Variants in GCKR observed in about 807,000 individuals in gnomAD.
GCKR encodes glucokinase regulatory protein.
A neutral mutation model predicts 82.9 loss-of-function variants in GCKR; 73 were observed. The observed-to-expected ratio is 0.88, with a 90% confidence interval of 0.73 to 1.07. The LOEUF is 1.07. Among genes scored for constraint, GCKR ranks in the 50% least tolerant of loss-of-function variants. GCKR has a pLI of 0.00. For synonymous variants in GCKR, 294 were observed against 291.8 expected (o/e 1.01, Z -0.08); for missense variants, 784 against 782.1 (o/e 1.00, Z -0.03).
chr2:27,503,088 A>G (rs1669625548), intron 8 of GCKR, among the ~76,000 whole-genome samples: 1 of 152,162 alleles, frequency 6.6e-6, no homozygotes, highest in East Asian at 1.9e-4. Context: ...CTTTGGAGGG[A>G]TTTCCAGAAT....
Position 27,523,275 on chromosome 2 carries a change from C to A in GCKR, c.1714C>A (p.Pro572Thr). The A allele has an allele frequency of 6.2e-7, 1 of 1,611,588 alleles. No homozygotes were observed. The highest frequency in any genetic ancestry group is 8.5e-7 in the Non-Finnish European group (1 of 1,178,842). ...CACTGCCTCTTCCCCACAGGTGATA[C>A]CCATCGCCTTGCTGAGCCTCCTATT... ...QVAHEKEQVI[P>T]IALLSLLFRC... is the part of the protein sequence containing the mutation. The change falls in exon 19 of 19, where the codon CCC becomes ACC. Residue 572 changes from proline to threonine, a missense_variant. By Grantham distance (38) the Pro-to-Thr change is conservative (BLOSUM62 -1). Transcript: ENST00000264717.
intron 16 of GCKR, among the ~76,000 whole-genome samples, chr2:27,513,422 C>T (rs1669934918): frequency 6.6e-6 from 1 of 151,098 alleles, no homozygotes; most frequent in South Asian, 2.1e-4. Flanking sequence ...CCCAGATACT[C>T]AGGAGGCTGA....
Position 27,519,414 on chromosome 2 carries a change from G to A in GCKR, c.1572+477G>A, listed in dbSNP as rs184428652. On this transcript the variant is annotated intron_variant, in intron 17 of 18. Coordinates refer to ENST00000264717, the MANE Select transcript of GCKR (RefSeq NM_001486.4). ...CCTCTGAGGTTCCATTGATTCTCCTGCCTCAGCCTCCCGAGTAGCTGGGAT... is the reference window on the plus strand; with the variant it reads ...CCTCTGAGGTTCCATTGATTCTCCTACCTCAGCCTCCCGAGTAGCTGGGAT... Among the ~76,000 whole-genome samples, 708 of 151,662 alleles carry A rather than the reference G, an allele frequency of 4.7e-3. 7 individuals are homozygous for A. The highest frequency in any genetic ancestry group is 0.016 in the African/African-American group (668 of 41,274).
intron 16 of GCKR, among the ~76,000 whole-genome samples, chr2:27,516,016 ATCC>A (rs1284982504): frequency 6.6e-6 from 1 of 150,728 alleles, no homozygotes; most frequent in Non-Finnish European, 1.5e-5. Context: ...GCCTCAAGCA[ATCC>A]TCCTGTCCCA....
chr2:27,518,228 T>G (rs931532164), intron 16 of GCKR, among the ~76,000 whole-genome samples: 1 of 152,162 alleles, frequency 6.6e-6, no homozygotes, highest in Admixed American at 6.5e-5. Context: ...GTGTATTTAG[T>G]AGAGACAGCA....
Position 27,518,881 on chromosome 2 carries a change from T to C in GCKR, c.1516T>C (p.Leu506=). The C allele has an allele frequency of 6.2e-7, 1 of 1,613,982 alleles. No homozygotes were observed. The highest frequency in any genetic ancestry group is 8.5e-7 in the Non-Finnish European group (1 of 1,179,894). ...TGGTAAGATCCTACAAAACCACATG[T>C]TGGACCTTCGGATTAGCAACTCCAA... The part of the protein sequence containing the change: ...LLGKILQNHM[L]DLRISNSKLF... Residue 506 remains leucine, a synonymous_variant, in exon 17 of 19, where the codon TTG becomes CTG. Transcript: ENST00000264717.
At chr2:27,509,599 C>T (rs1669830805) in intron 16 of GCKR, 1 of 416,770 alleles carries the variant, frequency 2.4e-6, no homozygotes, top group African/African-American at 2.0e-5. Flanking sequence ...GCCTTAGCCT[C>T]CCAAAGTGCT....
At chr2:27,511,081 A>G (rs1669870402) in intron 16 of GCKR, among the ~76,000 whole-genome samples, 1 of 151,926 alleles carries the variant, frequency 6.6e-6, no homozygotes, top group African/African-American at 2.4e-5. Context: ...AGGCTGGAGT[A>G]CAGTGGTGTG....
At chr2:27,506,720 C>A in intron 11 of GCKR, 68 bp from the exon 12 acceptor site, 9 of 1,133,508 alleles carry the variant, frequency 7.9e-6, no homozygotes, top group Admixed American at 3.4e-5. Context: ...CTCCTGTGTT[C>A]TTCTGTGGAC....
Position 27,503,566 on chromosome 2 carries a change from A to G in GCKR, c.697A>G (p.Met233Val). 1 of 1,611,600 alleles carries G rather than the reference A, an allele frequency of 6.2e-7. No individual in the cohort carries two copies. The highest frequency in any genetic ancestry group is 1.1e-5 in the South Asian group (1 of 91,022). The stretch of plus-strand genomic sequence containing the variant: ...AACATTCCGACAAGTAGCAGAGCGG[A>G]TGCAGAAAATGCAGGAGAAACAGAA... ...SSTFRQVAER[M>V]QKMQEKQKAF... is the part of the protein sequence containing the mutation. Residue 233 changes from methionine (M) to valine (V), a missense_variant, in exon 9 of 19, where the codon ATG (methionine) becomes GTG (valine). Transcript: ENST00000264717.
intron 17 of GCKR, 141 bp from the exon 18 acceptor site, chr2:27,522,319 C>A: frequency 1.2e-6 from 1 of 827,184 alleles, no homozygotes; most frequent in East Asian, 2.5e-5. Context: ...GGATTGCCAA[C>A]ATGGACAAAT....
rs1332387565 is a variant in GCKR, at chr2:27,518,947, T to A, written c.1572+10T>A. ...GCTGGCCATGCTGCAGGTAGGGATA[T>A]GATGGGGCAGGGTTGGGTGGGACCT... is the stretch of plus-strand genomic sequence containing the variant. On this transcript the variant is annotated intron_variant, in intron 17 of 18. Coordinates refer to ENST00000264717, the MANE Select transcript of GCKR (RefSeq NM_001486.4). 1.9e-6 allele frequency: 3 copies of A among 1,593,070 alleles called. No individual in the cohort carries two copies. In the African/African-American group the frequency reaches 4.0e-5, roughly 21 times the overall value.
chr2:27,504,837 ACT>A (rs1669673093), intron 9 of GCKR, among the ~76,000 whole-genome samples: 1 of 150,454 alleles, frequency 6.6e-6, no homozygotes, highest in African/African-American at 2.4e-5. Flanking sequence ...AAAGAAACAC[ACT>A]CTCTGGTCTG....
chr2:27,515,765 ATT>A (rs60183178), intron 16 of GCKR, among the ~76,000 whole-genome samples: 8,865 of 106,186 alleles, frequency 0.083, 219 homozygotes, highest in African/African-American at 0.12. Context: ...ATATATATAT[ATT>A]TTTTTTTTTT....
At chr2:27,501,718 A>G (rs948762708) in intron 8 of GCKR, 2 of 471,402 alleles carry the variant, frequency 4.2e-6, no homozygotes, top group African/African-American at 4.0e-5. Context: ...GAGGATCCTC[A>G]GATCTCTCAC....
chr2:27,498,355 C>T (rs1199736162), intron 4 of GCKR, 32 bp downstream of exon 4: 1 of 1,547,604 alleles, frequency 6.5e-7, no homozygotes, highest in Admixed American at 1.7e-5. Flanking sequence ...TTTCTTCCCC[C>T]TCCACTTCTG....
chr2:27,521,243 G>C (rs780503347), intron 17 of GCKR, among the ~76,000 whole-genome samples: 16 of 152,066 alleles, frequency 1.1e-4, no homozygotes, highest in Non-Finnish European at 2.4e-4. Flanking sequence ...ATTGATTTCA[G>C]GCCAGGTGTG....
At chr2:27,516,475 A>G (rs575748280) in intron 16 of GCKR, among the ~76,000 whole-genome samples, 2 of 151,298 alleles carry the variant, frequency 1.3e-5, no homozygotes, top group South Asian at 4.2e-4. Flanking sequence ...TTGTATTTTT[A>G]GTAGAGATCA....
In GCKR at chr2:27,497,404, C is replaced by T. The variant is rs1217484882; in HGVS notation, c.216+5C>T. ...CAAGCCCTGTCCACATACCAGGTAA[C>T]CAAGACCCAAGACCTGGACCCTGGA... On this transcript the variant is annotated splice_donor_5th_base_variant and intron_variant, in intron 2 of 18. Transcript: ENST00000264717. The T allele has an allele frequency of 6.2e-7, 1 of 1,613,076 alleles. No homozygotes were observed. The highest frequency in any genetic ancestry group is 8.5e-7 in the Non-Finnish European group (1 of 1,179,976).
Sources: allele counts gnomAD v4.1 joint callset (sites outside exome capture counted in the v4.1 genomes callset), GRCh38; gene constraint gnomAD v4.1.1; transcripts MANE v1.5; gene names NCBI Gene and HGNC (gene_info 2026-07-23, HGNC 2026-07-21).